Variants in TDRD1 observed in about 807,000 individuals in gnomAD.
TDRD1 encodes the protein tudor domain-containing protein 1.
In TDRD1, 37 loss-of-function variants were observed where a neutral mutation model predicts 140.6. The ratio of observed to expected loss-of-function variants is 0.26; its 90% confidence interval spans 0.20 to 0.35. The LOEUF (loss-of-function observed/expected upper bound fraction) is 0.35, where lower values mean the gene tolerates loss of function less well. Among genes scored for constraint, TDRD1 ranks in the 10% least tolerant of loss-of-function variants. TDRD1 has a pLI of 1.00. For missense variants in TDRD1, 1,243 were observed against 1,393.0 expected (o/e 0.89, Z 1.71); for synonymous variants, 506 against 475.7 (o/e 1.06, Z -0.83).
At chr10:114,201,234 T>A (rs1004222689) in intron 4 of TDRD1, among the ~76,000 whole-genome samples, 176 bp from the exon 5 acceptor site, 1 of 152,166 alleles carries the variant, frequency 6.6e-6, no homozygotes, top group Non-Finnish European at 1.5e-5. Context: ...TCCCTTTTTT[T>A]AATCTTTGTA....
chr10:114,194,561 TTTA>T (rs2034203701), intron 3 of TDRD1, among the ~76,000 whole-genome samples: 1 of 152,170 alleles, frequency 6.6e-6, no homozygotes, highest in Admixed American at 6.5e-5. Flanking sequence ...CTTTCTTTTC[TTTA>T]TTGTCTGTCT....
At chr10:114,204,840 T>C (rs942067038) in exon 10 of TDRD1, 2 of 1,597,704 alleles carry the variant, frequency 1.3e-6, no homozygotes, top group African/African-American at 2.7e-5. Flanking sequence ...ATTGTCGACA[T>C]CTTGGAAGAG....
At chr10:114,231,659 G>A (rs925373629) in exon 26 of TDRD1, 1 of 589,448 alleles carries the variant, frequency 1.7e-6, no homozygotes, top group Non-Finnish European at 2.8e-6. Flanking sequence ...CTCCTATTAG[G>A]TTGGTGGTTT....
At chr10:114,203,612 T>G in intron 8 of TDRD1, 45 bp downstream of exon 8, 1 of 1,539,896 alleles carries the variant, frequency 6.5e-7, no homozygotes, top group Non-Finnish European at 8.8e-7. Flanking sequence ...TGAGCTAACT[T>G]TGGTCGTATG....
At chr10:114,195,909 C>A (rs987546671) in intron 3 of TDRD1, among the ~76,000 whole-genome samples, 2 of 151,804 alleles carry the variant, frequency 1.3e-5, no homozygotes, top group Non-Finnish European at 2.9e-5. Context: ...CTTTGTATAC[C>A]TTTTCCAGTG....
At chr10:114,228,615 T>A (rs2036578587) in intron 25 of TDRD1, 1 of 985,306 alleles carries the variant, frequency 1.0e-6, no homozygotes. Context: ...TATTTTTCAT[T>A]TAAAAACAAA....
chr10:114,204,612 A>G (rs1382779184), intron 9 of TDRD1, 110 bp from the exon 10 acceptor site: 2 of 1,115,170 alleles, frequency 1.8e-6, no homozygotes, highest in Non-Finnish European at 2.5e-6. Context: ...TAGTACTTGA[A>G]GATTTGTGAT....
intron 3 of TDRD1, among the ~76,000 whole-genome samples, chr10:114,197,191 C>T (rs1044267635): frequency 1.3e-5 from 2 of 151,968 alleles, no homozygotes; most frequent in African/African-American, 4.8e-5. Context: ...CTTCTTTTGC[C>T]TTTCTGAAGT....
At chr10:114,218,182 A>G (rs2035931504) in intron 17 of TDRD1, among the ~76,000 whole-genome samples, 1 of 152,240 alleles carries the variant, frequency 6.6e-6, no homozygotes, top group African/African-American at 2.4e-5. Flanking sequence ...TCTTTAATTC[A>G]TATCAAATGT....
At chr10:114,195,424 A>G (rs938816407) in intron 3 of TDRD1, among the ~76,000 whole-genome samples, 2 of 152,194 alleles carry the variant, frequency 1.3e-5, no homozygotes, top group Admixed American at 6.5e-5. Context: ...TTGAGAAGGT[A>G]TTAAAGTCTC....
intron 2 of TDRD1, among the ~76,000 whole-genome samples, chr10:114,190,323 T>G (rs931985530): frequency 1.3e-5 from 2 of 152,200 alleles, no homozygotes; most frequent in East Asian, 1.9e-4. Flanking sequence ...TAAATATTGA[T>G]TGAAATAAGC....
chr10:114,202,352 A>T (rs759314462), intron 6 of TDRD1, 54 bp downstream of exon 6: 17 of 1,243,460 alleles, frequency 1.4e-5, no homozygotes, highest in Admixed American at 4.6e-5. Flanking sequence ...TTGAATTAAG[A>T]TGTAAGATAA....
At chr10:114,232,504 C>CTTTTTTTTTTTTTT (rs140805425), downstream of TDRD1, among the ~76,000 whole-genome samples, 9 of 81,670 alleles carry the variant, frequency 1.1e-4, no homozygotes, top group African/African-American at 2.9e-4. Context: ...ACTTGAAAGA[C>CTTTTTTTTTTTTTT]TTTTTTTTTT....
At chr10:114,214,942 C>T (rs894820093) in intron 16 of TDRD1, among the ~76,000 whole-genome samples, 5 of 151,946 alleles carry the variant, frequency 3.3e-5, no homozygotes, top group Non-Finnish European at 7.4e-5. Context: ...GGGGTTTCAC[C>T]GTGTTAGCCA....
chr10:114,191,843 T>C (rs1414719351), intron 3 of TDRD1, among the ~76,000 whole-genome samples: 2 of 152,234 alleles, frequency 1.3e-5, no homozygotes, highest in African/African-American at 4.8e-5. Flanking sequence ...CAAGGGTGTA[T>C]GAGAGCTTCA....
At chr10:114,192,292 C>CTTTTTTTTTTTTTTTATTTTTTT in intron 3 of TDRD1, among the ~76,000 whole-genome samples, 1 of 75,116 alleles carries the variant, frequency 1.3e-5, no homozygotes. Flanking sequence ...GATAGTTTTC[C>CTTTTTTTTTTTTTTTATTTTTTT]TTTTTTTTTT....
exon 2 of TDRD1, chr10:114,187,978 C>T (rs146312629): frequency 6.2e-7 from 1 of 1,614,150 alleles, no homozygotes; most frequent in Non-Finnish European, 8.5e-7. Context: ...CACTTCCTAA[C>T]CACCCTAATT....
Position 114,228,988 on chromosome 10 carries a change from C to T in TDRD1, c.3538+863C>T, listed in dbSNP as rs529598089. ...AACCCAGCTACTTGGGAGGCTGAGA[C>T]AGGAGAATCGCTTGAATCCAGGAGG... is the stretch of plus-strand genomic sequence containing the variant. On this transcript the variant is annotated intron_variant, in intron 25 of 25. Coordinates refer to ENST00000251864, the Ensembl canonical transcript of TDRD1. Among the ~76,000 whole-genome samples, 12 of 152,228 alleles carry T rather than the reference C, an allele frequency of 7.9e-5. No homozygotes were observed. The South Asian group carries it at 1.4e-3, about 18-fold the overall frequency.
At chr10:114,204,248 A>G in intron 9 of TDRD1, 32 bp downstream of exon 9, 1 of 1,561,952 alleles carries the variant, frequency 6.4e-7, no homozygotes, top group Non-Finnish European at 8.6e-7. Flanking sequence ...GATTTTTAAT[A>G]GTGTCCCAAA....
Sources: allele counts gnomAD v4.1 joint callset (sites outside exome capture counted in the v4.1 genomes callset), GRCh38; gene constraint gnomAD v4.1.1; transcripts MANE v1.5; gene names NCBI Gene and HGNC (gene_info 2026-07-23, HGNC 2026-07-21).